The following DNAJC7 variants were observed in gnomAD, a reference collection of about 807,000 sequenced individuals.
DNAJC7 encodes the protein DnaJ heat shock protein family (Hsp40) member C7.
A neutral mutation model predicts 67.4 loss-of-function variants in DNAJC7; 18 were observed. That is an observed-to-expected ratio of 0.27 (90% CI 0.18 to 0.40). The LOEUF is 0.40. Among genes scored for constraint, DNAJC7 ranks in the 10% least tolerant of loss-of-function variants. DNAJC7 has a pLI of 1.00. For missense variants in DNAJC7, 419 were observed against 613.8 expected, an observed-to-expected ratio of 0.68 and a Z score of 3.35; for synonymous variants, 220 against 207.8, an observed-to-expected ratio of 1.06 and a Z score of -0.50.
At chr17:41,979,608 G>A (rs1190461650) in intron 12 of DNAJC7, among the ~76,000 whole-genome samples, 4 of 144,158 alleles carry the variant, frequency 2.8e-5, no homozygotes, top group Non-Finnish European at 4.5e-5. Context: ...GGAGGCAGAG[G>A]TTGCAGTGAG....
At chr17:42,008,143 T>A (rs1362730061) in intron 1 of DNAJC7, among the ~76,000 whole-genome samples, 2 of 151,344 alleles carry the variant, frequency 1.3e-5, no homozygotes, top group African/African-American at 4.8e-5. Flanking sequence ...TGAAACCCCA[T>A]CTCTACAAAA....
intron 12 of DNAJC7, among the ~76,000 whole-genome samples, chr17:41,979,930 C>T (rs1357741020): frequency 1.3e-5 from 2 of 151,872 alleles, no homozygotes; most frequent in Admixed American, 1.3e-4. Context: ...CACTGCACTC[C>T]AGCCTGGGTG....
intron 5 of DNAJC7, among the ~76,000 whole-genome samples, chr17:41,992,000 C>G (rs1364448540): frequency 6.6e-6 from 1 of 151,862 alleles, no homozygotes; most frequent in Admixed American, 6.6e-5. Flanking sequence ...AGTTTTTGAA[C>G]CATGAATAGC....
Position 41,999,578 on chromosome 17 carries a change from C to T in DNAJC7, c.166+904G>A, listed in dbSNP as rs985038350. Reference sequence around the variant, plus strand: ...GGTCGTCCCCCAGGCTGGAGTGCAACGGCAGGATCTCAGCTCACTGCAACC... The same window carrying T: ...GGTCGTCCCCCAGGCTGGAGTGCAATGGCAGGATCTCAGCTCACTGCAACC... On this transcript the variant is annotated intron_variant, in intron 2 of 13. Coordinates refer to ENST00000457167, the MANE Select transcript of DNAJC7 (RefSeq NM_003315.4). 3.3e-5 allele frequency among the ~76,000 whole-genome samples: 5 copies of T among 152,044 alleles called. No homozygotes were observed. In the East Asian group the frequency reaches 5.8e-4, roughly 18 times the overall value.
chr17:42,001,930 G>A (rs1387303955), intron 1 of DNAJC7, among the ~76,000 whole-genome samples: 1 of 152,172 alleles, frequency 6.6e-6, no homozygotes, highest in African/African-American at 2.4e-5. Context: ...GCTGACAGCT[G>A]TGAAATGTGA....
At chr17:42,001,639 A>G (rs1484823941) in intron 1 of DNAJC7, among the ~76,000 whole-genome samples, 2 of 152,212 alleles carry the variant, frequency 1.3e-5, no homozygotes, top group African/African-American at 4.8e-5. Context: ...TGTTGTTCAC[A>G]TGCAAAAAAG....
At chr17:41,996,051 C>T (rs1555648573) in intron 4 of DNAJC7, among the ~76,000 whole-genome samples, 2 of 152,196 alleles carry the variant, frequency 1.3e-5, no homozygotes, top group African/African-American at 4.8e-5. Flanking sequence ...TCAAATCAGT[C>T]CCTGGAAGCA....
At chr17:42,011,045 G>T (rs1254134372) in intron 1 of DNAJC7, 2 of 152,168 alleles carry the variant, frequency 1.3e-5, no homozygotes, top group Non-Finnish European at 2.9e-5. Context: ...AAGTTTAAAA[G>T]AATACCTGGA....
chr17:41,999,370 C>T (rs2051746259), intron 2 of DNAJC7, among the ~76,000 whole-genome samples: 1 of 152,142 alleles, frequency 6.6e-6, no homozygotes, highest in African/African-American at 2.4e-5. Flanking sequence ...GATCCGCCCG[C>T]CTCGGCCTCC....
chr17:41,986,573 A>G (rs2051387393), intron 9 of DNAJC7, among the ~76,000 whole-genome samples: 1 of 146,824 alleles, frequency 6.8e-6, no homozygotes, highest in Non-Finnish European at 1.5e-5. Context: ...AAATTGCAGC[A>G]AACACCTTCA....
At position 42,017,407 on chromosome 17, in the gene DNAJC7, C is replaced by G. The variant is rs782177960; in HGVS notation, c.10G>C (p.Ala4Pro). The G allele has an allele frequency of 6.2e-7, 1 of 1,608,182 alleles. No homozygotes were observed. Among genetic ancestry groups the G allele is most frequent in the South Asian group, 1.1e-5 (1 of 91,090 alleles). ...GCCATTACCACATCGCACTCCGCGG[C>G]AGCCGCCATCTTACCGCCGGGACCA... MAA[A>P]AECDVVMAAT... Residue 4 changes from alanine to proline, a missense_variant, in exon 1 of 14, where the codon GCC becomes CCC. Coordinates refer to ENST00000457167, the MANE Select transcript of DNAJC7 (RefSeq NM_003315.4).
At chr17:41,976,912 GT>G in intron 13 of DNAJC7, 142 bp from the exon 14 acceptor site, 15 of 1,055,530 alleles carry the variant, frequency 1.4e-5, no homozygotes, top group Non-Finnish European at 1.8e-5. Flanking sequence ...AGCTCAGGCT[GT>G]TTTTGGGTGC....
At chr17:42,010,876 A>G (rs942907944) in intron 1 of DNAJC7, among the ~76,000 whole-genome samples, 4 of 152,226 alleles carry the variant, frequency 2.6e-5, no homozygotes, top group Non-Finnish European at 5.9e-5. Context: ...TCCTATTACC[A>G]TTCTCAAAAG....
chr17:41,985,888 CAAG>C (rs2051361364), intron 9 of DNAJC7: 1 of 152,110 alleles, frequency 6.6e-6, no homozygotes, highest in Non-Finnish European at 1.5e-5. Flanking sequence ...AGAGCCACTC[CAAG>C]AAGGGCAGTT....
intron 4 of DNAJC7, among the ~76,000 whole-genome samples, chr17:41,995,762 C>T (rs1276720270): frequency 6.6e-6 from 1 of 152,212 alleles, no homozygotes; most frequent in Non-Finnish European, 1.5e-5. Context: ...GGAACTAAAA[C>T]ATGTTTTAGC....
chr17:42,005,230 A>C (rs781990291), intron 1 of DNAJC7, among the ~76,000 whole-genome samples: 2 of 152,244 alleles, frequency 1.3e-5, no homozygotes, highest in African/African-American at 2.4e-5. Context: ...AGCAGGGCTC[A>C]GCATCATGTG....
chr17:42,008,992 G>A (rs1312409699), intron 1 of DNAJC7, among the ~76,000 whole-genome samples: 3 of 152,220 alleles, frequency 2.0e-5, no homozygotes, highest in Non-Finnish European at 2.9e-5. Flanking sequence ...TTAAAGGCGT[G>A]AGCCATCACG....
intron 1 of DNAJC7, among the ~76,000 whole-genome samples, chr17:42,010,775 T>C (rs2052096075): frequency 6.6e-6 from 1 of 152,152 alleles, no homozygotes; most frequent in African/African-American, 2.4e-5. Context: ...TAACACTGCT[T>C]ATCTGACAAT....
intron 1 of DNAJC7, among the ~76,000 whole-genome samples, chr17:42,008,037 G>A (rs1190755472): frequency 6.6e-5 from 10 of 151,796 alleles, no homozygotes; most frequent in Admixed American, 5.9e-4. Flanking sequence ...TCTAGGCTGG[G>A]CAAGGTGGCT....
Sources: allele counts gnomAD v4.1 joint callset (sites outside exome capture counted in the v4.1 genomes callset), GRCh38; gene constraint gnomAD v4.1.1; transcripts MANE v1.5; gene names NCBI Gene and HGNC (gene_info 2026-07-23, HGNC 2026-07-21).